COL13A1: variants seen among roughly 807,000 people sequenced by gnomAD.
COL13A1 encodes collagen type XIII alpha 1 chain.
A neutral mutation model predicts 130.9 loss-of-function variants in COL13A1; 89 were observed. The ratio of observed to expected loss-of-function variants is 0.68; its 90% CI spans 0.57 to 0.81. COL13A1 has a LOEUF of 0.81. Ranked by LOEUF, COL13A1 falls within the 30% of genes least tolerant of loss-of-function variation. The pLI, the probability that COL13A1 is intolerant of heterozygous loss-of-function variation, is 0.00. For synonymous variants in COL13A1, 402 were observed against 341.6 expected (o/e 1.18, Z -1.95); for missense variants, 879 against 934.6 (o/e 0.94, Z 0.78).
intron 2 of COL13A1, among the ~76,000 whole-genome samples, chr10:69,841,964 C>T (rs980839448): frequency 6.6e-6 from 1 of 152,152 alleles, no homozygotes; most frequent in African/African-American, 2.4e-5. Context: ...TCATCTTTAT[C>T]CTAAGAGCAG....
intron 1 of COL13A1, among the ~76,000 whole-genome samples, chr10:69,811,172 G>A (rs1037438831): frequency 1.8e-4 from 27 of 152,154 alleles, no homozygotes; most frequent in Non-Finnish European, 2.9e-5. Context: ...ATTCGTCCAG[G>A]CATTTCCCTC....
At chr10:69,927,144 C>G in intron 27 of COL13A1, 34 bp downstream of exon 27, 2 of 1,598,936 alleles carry the variant, frequency 1.3e-6, no homozygotes, top group Non-Finnish European at 1.7e-6. Context: ...TCCTTGGGCA[C>G]TGGACGGGGG....
At position 69,917,309 on chromosome 10, in the gene COL13A1, G is replaced by T; in HGVS notation, c.942G>T (p.Gly314=). The part of the protein sequence containing the change: ...HGRKGERGMP[G]MPGKHGAKGA... ...TCCAGGGAGAACGGGGCATGCCAGGGATGCCAGGCAAGCATGGAGCCAAGG... is the reference window on the plus strand; with the variant it reads ...TCCAGGGAGAACGGGGCATGCCAGGTATGCCAGGCAAGCATGGAGCCAAGG... Residue 314 remains glycine, a synonymous_variant, in exon 18 of 41, where the codon GGG becomes GGT. Coordinates refer to ENST00000645393, the MANE Select transcript of COL13A1 (RefSeq NM_001368882.1). 6.2e-7 allele frequency: 1 copy of T among 1,613,604 alleles called. No homozygotes were observed.
intron 2 of COL13A1, among the ~76,000 whole-genome samples, chr10:69,852,651 G>C (rs1466391568): frequency 2.8e-4 from 42 of 152,374 alleles, no homozygotes; most frequent in Admixed American, 2.7e-3. Context: ...GTCCTCTGAC[G>C]AGCCTTGCAG....
intron 6 of COL13A1, among the ~76,000 whole-genome samples, chr10:69,879,069 C>T (rs1488088209): frequency 6.6e-6 from 1 of 152,246 alleles, no homozygotes; most frequent in African/African-American, 2.4e-5. Context: ...CCAACTAGCA[C>T]TGACATAACC....
At chr10:69,899,911 A>T (rs1313801900) in intron 14 of COL13A1, among the ~76,000 whole-genome samples, 2 of 152,186 alleles carry the variant, frequency 1.3e-5, no homozygotes, top group Admixed American at 1.3e-4. Context: ...AGGAGTCAGG[A>T]GCCCAAGGGC....
intron 26 of COL13A1, among the ~76,000 whole-genome samples, chr10:69,926,870 A>G (rs561604198): frequency 1.3e-5 from 2 of 151,972 alleles, no homozygotes; most frequent in Non-Finnish European, 2.9e-5. Flanking sequence ...TGCTTAGGAG[A>G]TGCTACGTAT....
At chr10:69,907,432 C>T (rs917377909) in intron 17 of COL13A1, among the ~76,000 whole-genome samples, 1 of 152,154 alleles carries the variant, frequency 6.6e-6, no homozygotes, top group African/African-American at 2.4e-5. Context: ...TGGTGAGGAC[C>T]TTCTTGTGTC....
At chr10:69,905,053 A>T in intron 16 of COL13A1, 94 bp downstream of exon 16, 2 of 1,376,706 alleles carry the variant, frequency 1.5e-6, no homozygotes, top group Non-Finnish European at 2.0e-6. Flanking sequence ...AGGCAGGAGC[A>T]GAGAGGGATC....
intron 2 of COL13A1, among the ~76,000 whole-genome samples, chr10:69,843,754 G>A (rs929145521): frequency 6.6e-6 from 1 of 152,192 alleles, no homozygotes. Context: ...TGACGGTGAT[G>A]GTGGTCATGG....
At chr10:69,824,178 G>A (rs752909439) in intron 2 of COL13A1, 1 of 471,942 alleles carries the variant, frequency 2.1e-6, no homozygotes, top group South Asian at 1.6e-5. Flanking sequence ...CACCAGCAAG[G>A]TAGAGATTCC....
chr10:69,957,281 G>A (rs1413971167), intron 40 of COL13A1, among the ~76,000 whole-genome samples: 1 of 152,240 alleles, frequency 6.6e-6, no homozygotes, highest in Non-Finnish European at 1.5e-5. Context: ...CCACACAGGT[G>A]ACATCTTTAT....
At chr10:69,855,813 T>C (rs1198662345) in intron 2 of COL13A1, among the ~76,000 whole-genome samples, 3 of 25,524 alleles carry the variant, frequency 1.2e-4, no homozygotes, top group Non-Finnish European at 2.2e-4. Context: ...GCAAGCACAC[T>C]TGTCATTGTT....
At chr10:69,921,761 G>A in intron 21 of COL13A1, 121 bp from the exon 22 acceptor site, 1 of 1,306,100 alleles carries the variant, frequency 7.7e-7, no homozygotes, top group African/African-American at 1.5e-5. Flanking sequence ...AAGCCAGCTG[G>A]GGGCAGGGGC....
rs373029448 is a variant in COL13A1, at chr10:69,903,599, C to T, written c.858+744C>T. 8.3e-4 allele frequency among the ~76,000 whole-genome samples: 127 copies of T among 152,288 alleles called. 2 individuals carry two copies. The South Asian group carries it at 0.011, about 14-fold the overall frequency. On this transcript the variant is annotated intron_variant, in intron 15 of 40. Transcript: ENST00000645393. ...AGAGAAAACGGGTCTTCCACCCACC[C>T]GTAAGACTAATGTTATTGGAGAGGC...
At chr10:69,947,795 C>A (rs1467960222) in intron 38 of COL13A1, among the ~76,000 whole-genome samples, 1 of 152,202 alleles carries the variant, frequency 6.6e-6, no homozygotes, top group African/African-American at 2.4e-5. Flanking sequence ...AAGCAGCCAA[C>A]CCTTTTAAAA....
intron 2 of COL13A1, among the ~76,000 whole-genome samples, chr10:69,828,112 C>A (rs1847938843): frequency 6.6e-6 from 1 of 152,204 alleles, no homozygotes; most frequent in Non-Finnish European, 1.5e-5. Flanking sequence ...TGATGGGCTA[C>A]TTCGGGGTCA....
chr10:69,958,197 A>G (rs1281485958), intron 40 of COL13A1, among the ~76,000 whole-genome samples: 2 of 152,178 alleles, frequency 1.3e-5, no homozygotes, highest in Non-Finnish European at 2.9e-5. Flanking sequence ...ACTTAGACCT[A>G]GTTAAAGCGC....
At chr10:69,918,395 T>G in intron 19 of COL13A1, 78 bp downstream of exon 19, 1 of 1,455,210 alleles carries the variant, frequency 6.9e-7, no homozygotes, top group South Asian at 1.2e-5. Flanking sequence ...AATCTTAGAC[T>G]CAGTGGGGTG....
Sources: gnomAD v4.1 joint callset for allele counts (sites outside exome capture counted in the v4.1 genomes callset) on GRCh38, gnomAD v4.1.1 for gene constraint, MANE v1.5 for transcripts, NCBI Gene and HGNC (gene_info 2026-07-23, HGNC 2026-07-21) for gene names.